TAF3: variants seen among roughly 807,000 people sequenced by gnomAD.
TAF3 encodes the protein transcription initiation factor TFIID subunit 3.
A neutral mutation model predicts 80.6 loss-of-function variants in TAF3; 7 were observed. The observed-to-expected ratio is 0.09, with a 90% CI of 0.05 to 0.16. The LOEUF (loss-of-function observed/expected upper bound fraction) is 0.16. Among genes scored for constraint, TAF3 ranks in the 10% least tolerant of loss-of-function variants. TAF3 has a pLI of 1.00. For missense variants in TAF3, 921 were observed against 1,140.2 expected (o/e 0.81, Z 2.77); for synonymous variants, 444 against 446.1 (o/e 1.00, Z 0.06).
chr10:7,877,774 T>C (rs1837323953), intron 2 of TAF3, among the ~76,000 whole-genome samples: 1 of 152,186 alleles, frequency 6.6e-6, no homozygotes, highest in South Asian at 2.1e-4. Flanking sequence ...GTGACAGACA[T>C]ATAGAGTGAG....
intron 2 of TAF3, among the ~76,000 whole-genome samples, chr10:7,896,309 G>T (rs1234712508): frequency 1.3e-5 from 2 of 152,142 alleles, no homozygotes; most frequent in Non-Finnish European, 2.9e-5. Flanking sequence ...ACCAATTCTT[G>T]CCAGAACCGT....
intron 2 of TAF3, among the ~76,000 whole-genome samples, chr10:7,904,615 C>T (rs976901240): frequency 1.3e-5 from 2 of 152,020 alleles, no homozygotes; most frequent in African/African-American, 2.4e-5. Flanking sequence ...TTTGCTGATA[C>T]GTAGATAGTA....
At chr10:7,844,803 T>C (rs561661370) in intron 2 of TAF3, among the ~76,000 whole-genome samples, 78 of 152,330 alleles carry the variant, frequency 5.1e-4, no homozygotes, top group Non-Finnish European at 8.8e-4. Context: ...TGCTTTTTTT[T>C]AACGTATCAT....
intron 2 of TAF3, 105 bp downstream of exon 2, chr10:7,824,665 A>G (rs1032634414): frequency 7.3e-7 from 1 of 1,377,572 alleles, no homozygotes; most frequent in African/African-American, 1.4e-5. Flanking sequence ...GAAACACAAT[A>G]GAAACATTTA....
chr10:7,830,360 C>T (rs1034652367), intron 2 of TAF3, among the ~76,000 whole-genome samples: 1 of 150,528 alleles, frequency 6.6e-6, no homozygotes, highest in Non-Finnish European at 1.5e-5. Flanking sequence ...AACCACTGTC[C>T]TGACTTTGTA....
chr10:7,889,307 A>T (rs2131161732), intron 2 of TAF3, among the ~76,000 whole-genome samples: 1 of 152,352 alleles, frequency 6.6e-6, no homozygotes, highest in South Asian at 2.1e-4. Context: ...ATCTTTGGTT[A>T]TAACAAAAGC....
chr10:7,975,265 G>A (rs1013584115), intron 3 of TAF3, among the ~76,000 whole-genome samples: 10 of 152,112 alleles, frequency 6.6e-5, no homozygotes, highest in Admixed American at 1.3e-4. Flanking sequence ...TGGCCTCACC[G>A]GTATTTCCTG....
intron 2 of TAF3, among the ~76,000 whole-genome samples, chr10:7,894,042 A>G (rs1170037325): frequency 6.6e-6 from 1 of 152,156 alleles, no homozygotes; most frequent in African/African-American, 2.4e-5. Context: ...TCATCAAAGG[A>G]ATTGCACATT....
At position 7,964,120 on chromosome 10, in the gene TAF3, A is replaced by G. The variant is rs1588568455; in HGVS notation, c.610A>G (p.Thr204Ala). 1 of 1,614,132 alleles carries G rather than the reference A, an allele frequency of 6.2e-7. No homozygotes were observed. The highest frequency in any genetic ancestry group is 8.5e-7 in the Non-Finnish European group (1 of 1,180,020). ...RPRLLSTKGD[T>A]LDVVLLEARE... is the part of the protein sequence containing the mutation. ...TCGGCTATTAAGCACTAAAGGGGAC[A>G]CGCTAGATGTTGTGTTATTGGAAGC... The change falls in exon 3 of 7, where the codon ACG becomes GCG. Residue 204 changes from threonine (T) to alanine (A), a missense_variant. Coordinates refer to ENST00000344293, the MANE Select transcript of TAF3 (RefSeq NM_031923.4). This position sits in a 1 kb window ranked among gnomAD's most constrained non-coding sequence, Gnocchi z 4.1.
intron 2 of TAF3, among the ~76,000 whole-genome samples, chr10:7,956,393 A>G (rs1448727891): frequency 6.6e-6 from 1 of 152,178 alleles, no homozygotes; most frequent in African/African-American, 2.4e-5. Flanking sequence ...AGGCTGAGGC[A>G]GGAGAATCGC....
intron 2 of TAF3, among the ~76,000 whole-genome samples, chr10:7,894,268 G>A (rs148944295): frequency 1.3e-5 from 2 of 152,138 alleles, no homozygotes; most frequent in African/African-American, 4.8e-5. Flanking sequence ...GTTACTGTCA[G>A]CAGGGACAGT....
intron 4 of TAF3, among the ~76,000 whole-genome samples, chr10:7,986,236 TC>T (rs771927458): frequency 4.6e-5 from 7 of 152,228 alleles, no homozygotes; most frequent in Admixed American, 3.3e-4. Flanking sequence ...CAATGATGAT[TC>T]CCATTTCTTT....
chr10:7,896,885 C>T (rs1296104470), intron 2 of TAF3, among the ~76,000 whole-genome samples: 4 of 152,150 alleles, frequency 2.6e-5, no homozygotes, highest in Admixed American at 2.6e-4. Context: ...GATGTCAGCC[C>T]AGTTGGAAGG....
chr10:7,897,076 G>A (rs921612663), intron 2 of TAF3, among the ~76,000 whole-genome samples: 4 of 152,138 alleles, frequency 2.6e-5, no homozygotes, highest in African/African-American at 7.2e-5. Context: ...CTCATGCTTT[G>A]AATCCCCAAC....
intron 4 of TAF3, 145 bp from the exon 5 acceptor site, chr10:8,008,933 C>T (rs574449107): frequency 5.8e-6 from 7 of 1,203,408 alleles, no homozygotes; most frequent in Non-Finnish European, 6.9e-6. Flanking sequence ...CATGCAGGGC[C>T]TGGAACTCAG....
chr10:7,879,662 G>A (rs1055260536), intron 2 of TAF3, among the ~76,000 whole-genome samples: 1 of 152,106 alleles, frequency 6.6e-6, no homozygotes, highest in South Asian at 2.1e-4. Flanking sequence ...AGGATATTTA[G>A]TATTTCTTCT....
At chr10:7,971,856 A>G (rs1828069101) in intron 3 of TAF3, among the ~76,000 whole-genome samples, 1 of 152,234 alleles carries the variant, frequency 6.6e-6, no homozygotes, top group African/African-American at 2.4e-5. Flanking sequence ...GCACATGGCA[A>G]TAAGGGGCTT....
At chr10:7,886,582 A>G (rs1407776448) in intron 2 of TAF3, among the ~76,000 whole-genome samples, 2 of 152,224 alleles carry the variant, frequency 1.3e-5, no homozygotes, top group African/African-American at 2.4e-5. Flanking sequence ...AAATTTCTTT[A>G]TCAGTTAGAT....
intron 2 of TAF3, among the ~76,000 whole-genome samples, chr10:7,922,873 G>A (rs1837777875): frequency 6.6e-6 from 1 of 151,996 alleles, no homozygotes; most frequent in South Asian, 2.1e-4. Context: ...CAGTTAAAAT[G>A]CATAATTGGA....
Sources: gnomAD v4.1 joint callset for allele counts (sites outside exome capture counted in the v4.1 genomes callset) on GRCh38, gnomAD v4.1.1 for gene constraint, Gnocchi (gnomAD v3.1) non-coding constraint, MANE v1.5 for transcripts, NCBI Gene and HGNC (gene_info 2026-07-23, HGNC 2026-07-21) for gene names.